The following CALCR variants were observed in gnomAD, a reference collection of about 807,000 sequenced individuals.
CALCR encodes calcitonin receptor.
In CALCR, 47 loss-of-function variants were observed where a neutral mutation model predicts 59.5. The ratio of observed to expected loss-of-function variants is 0.79; its 90% CI spans 0.63 to 1.01. The LOEUF is 1.01. Among genes scored for constraint, CALCR ranks in the 50% least tolerant of loss-of-function variants. The probability of loss-of-function intolerance (pLI) is 0.00; values close to 1 mark genes in which losing one functional copy is unlikely to be tolerated. For synonymous variants in CALCR, 213 were observed against 211.3 expected (o/e 1.01, Z -0.07); for missense variants, 566 against 597.1 (o/e 0.95, Z 0.54).
chr7:93,450,299 G>A (rs118022793), intron 8 of CALCR, among the ~76,000 whole-genome samples: 1 of 151,946 alleles, frequency 6.6e-6, no homozygotes, highest in Non-Finnish European at 1.5e-5. Context: ...CATTTGATAT[G>A]AGGTATTCTA....
At chr7:93,497,340 G>T (rs1321852206) in intron 2 of CALCR, among the ~76,000 whole-genome samples, 2 of 151,578 alleles carry the variant, frequency 1.3e-5, no homozygotes, top group African/African-American at 2.4e-5. Flanking sequence ...TTTGTAGCTT[G>T]CATTATGTGT....
In CALCR at chr7:93,523,743, A is replaced by G. The variant is rs569404403; in HGVS notation, c.-26-36736T>C. ...GTCCAGGATTTTTTTCTATTTTTAT[A>G]AGTATAAACTATGCTATTGAAATAA... is the stretch of plus-strand genomic sequence containing the variant. On this transcript the variant is annotated intron_variant, in intron 2 of 13. Transcript: ENST00000426151. Among the ~76,000 whole-genome samples, 8 of 152,242 alleles carry G rather than the reference A, an allele frequency of 5.3e-5. No homozygotes were observed. In the East Asian group the frequency reaches 1.5e-3, roughly 29 times the overall value.
At chr7:93,459,234 G>GTTGAT (rs1800269035) in intron 8 of CALCR, among the ~76,000 whole-genome samples, 1 of 152,142 alleles carries the variant, frequency 6.6e-6, no homozygotes, top group Non-Finnish European at 1.5e-5. Flanking sequence ...CCAGTTTGGT[G>GTTGAT]TTACTAAGCC....
At chr7:93,480,012 A>G (rs539389689) in intron 3 of CALCR, among the ~76,000 whole-genome samples, 1 of 152,032 alleles carries the variant, frequency 6.6e-6, no homozygotes, top group South Asian at 2.1e-4. Context: ...ATTCCATGGA[A>G]CAAACAAAAT....
chr7:93,513,223 CAA>C (rs1323921322), intron 2 of CALCR, among the ~76,000 whole-genome samples: 1 of 151,924 alleles, frequency 6.6e-6, no homozygotes, highest in Non-Finnish European at 1.5e-5. Context: ...TGAGTAATCT[CAA>C]ATGACAATTG....
chr7:93,446,601 T>C (rs1800010441), intron 8 of CALCR, among the ~76,000 whole-genome samples: 1 of 152,012 alleles, frequency 6.6e-6, no homozygotes, highest in African/African-American at 2.4e-5. Flanking sequence ...TATTGTCATA[T>C]AGCCCCTGAC....
chr7:93,436,713 C>T (rs1799786035), intron 11 of CALCR, among the ~76,000 whole-genome samples: 1 of 152,130 alleles, frequency 6.6e-6, no homozygotes, highest in Non-Finnish European at 1.5e-5. Flanking sequence ...CATGAAGATA[C>T]TCAACATAAT....
chr7:93,557,632 C>CT (rs1789642627), intron 2 of CALCR, among the ~76,000 whole-genome samples: 1 of 151,796 alleles, frequency 6.6e-6, no homozygotes, highest in African/African-American at 2.4e-5. Flanking sequence ...CTCTCTTTAT[C>CT]TTTTGGCTTT....
At chr7:93,447,144 T>C (rs978039324) in intron 8 of CALCR, among the ~76,000 whole-genome samples, 3 of 152,022 alleles carry the variant, frequency 2.0e-5, no homozygotes, top group Non-Finnish European at 4.4e-5. Flanking sequence ...TTCAGTTTTT[T>C]AATTGGGTAC....
At chr7:93,487,574 G>A (rs1800972769) in intron 2 of CALCR, among the ~76,000 whole-genome samples, 1 of 151,454 alleles carries the variant, frequency 6.6e-6, no homozygotes, top group African/African-American at 2.4e-5. Context: ...TCATTTAACA[G>A]CTCACCATTC....
chr7:93,554,680 A>G (rs187805253), intron 2 of CALCR, among the ~76,000 whole-genome samples: 193 of 150,706 alleles, frequency 1.3e-3, no homozygotes, highest in African/African-American at 4.4e-3. Context: ...TCTAAGCATT[A>G]CGTTCCAAAG....
intron 2 of CALCR, among the ~76,000 whole-genome samples, chr7:93,541,942 T>G (rs1789152538): frequency 6.6e-6 from 1 of 152,184 alleles, no homozygotes; most frequent in African/African-American, 2.4e-5. Flanking sequence ...AGTAGCTGGT[T>G]TTTTTTGGAT....
intron 2 of CALCR, among the ~76,000 whole-genome samples, chr7:93,527,909 A>G (rs1788712436): frequency 6.6e-6 from 1 of 152,216 alleles, no homozygotes; most frequent in Admixed American, 6.6e-5. Context: ...TTCAGTTTTA[A>G]TAACAGGGAA....
intron 2 of CALCR, among the ~76,000 whole-genome samples, chr7:93,538,404 C>A (rs1043587491): frequency 1.3e-5 from 2 of 151,972 alleles, no homozygotes; most frequent in Non-Finnish European, 2.9e-5. Flanking sequence ...GATAGTTATT[C>A]TTCTTCCACC....
intron 8 of CALCR, among the ~76,000 whole-genome samples, chr7:93,445,828 T>C (rs1172617622): frequency 1.3e-5 from 2 of 152,072 alleles, no homozygotes; most frequent in Non-Finnish European, 2.9e-5. Flanking sequence ...AGGAACATCA[T>C]ACAGCACTTC....
intron 8 of CALCR, among the ~76,000 whole-genome samples, chr7:93,454,041 C>T (rs557804361): frequency 1.3e-5 from 2 of 152,092 alleles, no homozygotes; most frequent in African/African-American, 4.8e-5. Context: ...CTAGTTTTTT[C>T]CATAAGCTAC....
Position 93,438,138 on chromosome 7 carries a change from C to T in CALCR, c.864-12G>A, listed in dbSNP as rs767155293. 6.2e-7 allele frequency: 1 copy of T among 1,613,608 alleles called. No homozygotes were observed. The highest frequency in any genetic ancestry group is 8.5e-7 in the Non-Finnish European group (1 of 1,179,640). ...CACTCAGCCAGCAGCTGAAAAAGGG[C>T]AAGGGGACAATTAATACACAAATAC... is the stretch of plus-strand genomic sequence containing the variant. On this transcript the variant is annotated splice_polypyrimidine_tract_variant and intron_variant, in intron 10 of 13. Transcript: ENST00000426151.
intron 2 of CALCR, among the ~76,000 whole-genome samples, chr7:93,546,040 A>G (rs1789276702): frequency 6.6e-6 from 1 of 152,150 alleles, no homozygotes; most frequent in South Asian, 2.1e-4. Flanking sequence ...AGAAAATGCT[A>G]ATATGAAAGA....
At chr7:93,458,185 T>C (rs113181709) in intron 8 of CALCR, among the ~76,000 whole-genome samples, 1 of 152,142 alleles carries the variant, frequency 6.6e-6, no homozygotes, top group African/African-American at 2.4e-5. Flanking sequence ...TAGATTATAA[T>C]GTCTCTCTGC....
Sources: allele counts gnomAD v4.1 joint callset (sites outside exome capture counted in the v4.1 genomes callset), GRCh38; gene constraint gnomAD v4.1.1; transcripts MANE v1.5; gene names NCBI Gene and HGNC (gene_info 2026-07-23, HGNC 2026-07-21).